FGFRL1: variants seen among roughly 807,000 people sequenced by gnomAD.
FGFRL1 encodes fibroblast growth factor receptor like 1.
In FGFRL1, 24 loss-of-function variants were observed where a neutral mutation model predicts 36.8. The observed-to-expected ratio is 0.65, with a 90% CI of 0.47 to 0.92. The LOEUF is 0.92. Ranked by LOEUF, FGFRL1 falls within the 40% of genes least tolerant of loss-of-function variation. The probability of loss-of-function intolerance (pLI) is 0.00; values close to 1 mark genes in which losing one functional copy is unlikely to be tolerated. For missense variants in FGFRL1, 785 were observed against 753.4 expected (o/e 1.04, Z -0.49); for synonymous variants, 422 against 344.1 (o/e 1.23, Z -2.50).
intron 2 of FGFRL1, among the ~76,000 whole-genome samples, chr4:1,013,471 T>C (rs1433427832): frequency 6.6e-6 from 1 of 152,218 alleles, no homozygotes; most frequent in Admixed American, 6.5e-5. Flanking sequence ...TGGCCTTATA[T>C]GGGCACGTTC....
Position 1,023,273 on chromosome 4 carries a change from C to T in FGFRL1, c.353-368C>T, listed in dbSNP as rs568914497. Among the ~76,000 whole-genome samples the T allele has an allele frequency of 2.6e-3, 394 of 152,148 alleles. 1 individual carries two copies. The highest frequency in any genetic ancestry group is 8.9e-3 in the African/African-American group (370 of 41,500). On this transcript the variant is annotated intron_variant, in intron 3 of 6. Coordinates refer to ENST00000510644, the MANE Select transcript of FGFRL1 (RefSeq NM_001004356.3). The surrounding 1 kb of genome is among the most constrained non-coding windows in gnomAD (Gnocchi z 6.0). ...CAGTCCTTTCAAAGGGGACGATGACCGGGTGGTATGAGAGTCTCGTCTGTT... is the reference window on the plus strand; with the variant it reads ...CAGTCCTTTCAAAGGGGACGATGACTGGGTGGTATGAGAGTCTCGTCTGTT...
rs756933245 is a variant in FGFRL1 at position 1,014,093 on chromosome 4, C to T, written c.79+1529C>T. Among the ~76,000 whole-genome samples, 23 of 152,344 alleles carry T rather than the reference C, an allele frequency of 1.5e-4. No individual in the cohort carries two copies. The Middle Eastern group carries it at 0.017, about 113-fold the overall frequency. The stretch of plus-strand genomic sequence containing the variant: ...AGTGTGTTTCTCCTGCTCTGAACAG[C>T]CCACTGTGCACCTTCGTTAGGCCAA... On this transcript the variant is annotated intron_variant, in intron 2 of 6. Coordinates refer to ENST00000510644, the MANE Select transcript of FGFRL1 (RefSeq NM_001004356.3).
intron 1 of FGFRL1, 145 bp from the exon 2 acceptor site, chr4:1,012,325 C>T (rs1715633424): frequency 1.2e-6 from 1 of 824,772 alleles, no homozygotes; most frequent in Non-Finnish European, 1.8e-6. Context: ...ACAGCTTCTC[C>T]CCGCTGCGGC....
At chr4:1,024,806 G>C in intron 6 of FGFRL1, 99 bp from the exon 7 acceptor site, 2 of 1,420,750 alleles carry the variant, frequency 1.4e-6, no homozygotes, top group South Asian at 1.4e-5. Context: ...GGGCAGCCCA[G>C]GGGCACCGTC....
At chr4:1,014,870 G>T (rs577506057) in intron 2 of FGFRL1, among the ~76,000 whole-genome samples, 25 of 152,344 alleles carry the variant, frequency 1.6e-4, no homozygotes, top group East Asian at 5.8e-4. Context: ...TGTCCCCTTG[G>T]GGGGAGGGAG....
At position 1,023,409 on chromosome 4, in the gene FGFRL1, G is replaced by A. The variant is rs1022844897; in HGVS notation, c.353-232G>A. On this transcript the variant is annotated intron_variant, in intron 3 of 6. Coordinates refer to ENST00000510644, the MANE Select transcript of FGFRL1 (RefSeq NM_001004356.3). This position sits in a 1 kb window ranked among gnomAD's most constrained non-coding sequence, Gnocchi z 6.0. ...CCCCCCGGAGCCAGAATGGGGGCCG[G>A]CCCTCCAGCCCCACCCGTGCCCATC... Among the ~76,000 whole-genome samples the A allele has an allele frequency of 6.6e-6, 1 of 152,186 alleles. No individual in the cohort carries two copies. Among genetic ancestry groups the A allele is most frequent in the South Asian group, 2.1e-4 (1 of 4,834 alleles).
chr4:1,023,733 G>A lies in FGFRL1; in HGVS notation c.433+12G>A, dbSNP rs749091773. ...CAGCCAGCAGTGGGGTGAGCAGGGGGTGACGGGGGTGGGGGGCGTCCGTCT... is the reference window on the plus strand; with the variant it reads ...CAGCCAGCAGTGGGGTGAGCAGGGGATGACGGGGGTGGGGGGCGTCCGTCT... On this transcript the variant is annotated intron_variant, in intron 4 of 6. Transcript: ENST00000510644. This position sits in a 1 kb window ranked among gnomAD's most constrained non-coding sequence, Gnocchi z 6.0. 1 of 1,557,632 alleles carries A rather than the reference G, an allele frequency of 6.4e-7. No individual in the cohort carries two copies. The highest frequency in any genetic ancestry group is 8.7e-7 in the Non-Finnish European group (1 of 1,152,214).
chr4:1,011,639 C>G lies in FGFRL1; in HGVS notation c.-332C>G, dbSNP rs1228580132. Among the ~76,000 whole-genome samples, 2 of 144,854 alleles carry G rather than the reference C, an allele frequency of 1.4e-5. No individual in the cohort carries two copies. Among genetic ancestry groups the G allele is most frequent in the Non-Finnish European group, 3.1e-5 (2 of 65,282 alleles). On this transcript the variant is annotated 5_prime_UTR_variant, in exon 1 of 7. Coordinates refer to ENST00000510644, the MANE Select transcript of FGFRL1 (RefSeq NM_001004356.3). ...GCTCGCTCCGGGAGAGTTGACAAAGCCCCGCAGGGAAGGACGCCTCGCGGC... is the reference window on the plus strand; with the variant it reads ...GCTCGCTCCGGGAGAGTTGACAAAGGCCCGCAGGGAAGGACGCCTCGCGGC...
At chr4:1,012,194 T>G in intron 1 of FGFRL1, 1 of 311,990 alleles carries the variant, frequency 3.2e-6, no homozygotes, top group Non-Finnish European at 5.9e-6. Context: ...GCGCTGAGTG[T>G]TGTGTGTCCT....
chr4:1,024,158 C>A, intron 5 of FGFRL1, 57 bp downstream of exon 5: 1 of 311,280 alleles, frequency 3.2e-6, no homozygotes, highest in East Asian at 7.8e-5. Flanking sequence ...GGGGCGCTGG[C>A]GGGCGGGGGT....
intron 1 of FGFRL1, 39 bp from the exon 2 acceptor site, chr4:1,012,431 A>T: frequency 6.4e-7 from 1 of 1,572,112 alleles, no homozygotes; most frequent in Non-Finnish European, 8.6e-7. Flanking sequence ...GGTATCTCCC[A>T]GTTCCACGTG....
At chr4:1,013,010 T>C (rs1310144977) in intron 2 of FGFRL1, among the ~76,000 whole-genome samples, 9 of 152,170 alleles carry the variant, frequency 5.9e-5, no homozygotes, top group Non-Finnish European at 1.3e-4. Flanking sequence ...ATATACTTGG[T>C]GTCTGGGACT....
chr4:1,024,206 C>T (rs1215949356), intron 5 of FGFRL1, 105 bp downstream of exon 5: 11 of 284,738 alleles, frequency 3.9e-5, no homozygotes, highest in Non-Finnish European at 5.8e-5. Flanking sequence ...GGGGCACTGG[C>T]AGGGCTTGGG....
chr4:1,013,450 C>T (rs983447256), intron 2 of FGFRL1, among the ~76,000 whole-genome samples: 1 of 152,370 alleles, frequency 6.6e-6, no homozygotes, highest in Admixed American at 6.5e-5. Flanking sequence ...GCAAGCGCGC[C>T]GCATCCAACC....
In FGFRL1 at chr4:1,025,866, GACAC is replaced by G. The variant is rs56398186; in HGVS notation, c.*532_*535del. The G allele has an allele frequency of 4.4e-4, 73 of 166,168 alleles. No homozygotes were observed. The highest frequency in any genetic ancestry group is 9.2e-4 in the African/African-American group (37 of 40,122). 10.3% of individuals were successfully genotyped at this position (166,168 alleles called of 1,614,324 possible). A position where few individuals can be genotyped will look rare whatever the true frequency, so the allele number is the denominator to read the frequency against. On this transcript the variant is annotated 3_prime_UTR_variant, in exon 7 of 7. Coordinates refer to ENST00000510644, the MANE Select transcript of FGFRL1 (RefSeq NM_001004356.3). ...CACACACATGCACGGATATTGCCTG[GACAC>G]ACACACACACACGTGTGCACAGATA... is the stretch of plus-strand genomic sequence containing the variant.
In FGFRL1 at chr4:1,025,850, G is replaced by T. The variant is rs1716495268; in HGVS notation, c.*503G>T. On this transcript the variant is annotated 3_prime_UTR_variant, in exon 7 of 7. Coordinates refer to ENST00000510644, the MANE Select transcript of FGFRL1 (RefSeq NM_001004356.3). ...GATAATGCTGCCTTGACACACACAT[G>T]CACGGATATTGCCTGGACACACACA... 5.6e-6 allele frequency: 1 copy of T among 178,914 alleles called. No individual in the cohort carries two copies. Among genetic ancestry groups the T allele is most frequent in the Non-Finnish European group, 1.1e-5 (1 of 87,996 alleles). 11.1% of individuals were successfully genotyped at this position (178,914 alleles called of 1,614,324 possible).
chr4:1,015,664 C>T (rs1715850806), intron 2 of FGFRL1, among the ~76,000 whole-genome samples: 1 of 152,340 alleles, frequency 6.6e-6, no homozygotes, highest in African/African-American at 2.4e-5. Context: ...TGTTAAGGGG[C>T]TGAGGGGTGA....
chr4:1,023,783 C>T lies in FGFRL1; in HGVS notation c.434-34C>T, dbSNP rs373523843. 8.8e-5 allele frequency: 138 copies of T among 1,561,424 alleles called. 1 individual carries two copies. Among genetic ancestry groups the T allele is most frequent in the African/African-American group, 5.7e-4 (42 of 73,920 alleles). ...TGTCCCGGCCCCTTGGCTGCATCCC[C>T]GTCCTCTGACCTCCACGCCACCCCA... On this transcript the variant is annotated intron_variant, in intron 4 of 6. Coordinates refer to ENST00000510644, the MANE Select transcript of FGFRL1 (RefSeq NM_001004356.3). This position sits in a 1 kb window ranked among gnomAD's most constrained non-coding sequence, Gnocchi z 6.0.
rs369436907 is a variant in FGFRL1 at position 1,023,958 on chromosome 4, C to T, written c.575C>T (p.Thr192Met). Residue 192 changes from threonine (T) to methionine (M), a missense_variant, in exon 5 of 7, where the codon ACG (threonine) becomes ATG (methionine). Physicochemically the swap from Thr to Met is moderately conservative, Grantham distance 81 (BLOSUM62 -1). Coordinates refer to ENST00000510644, the MANE Select transcript of FGFRL1 (RefSeq NM_001004356.3). This position sits in a 1 kb window ranked among gnomAD's most constrained non-coding sequence, Gnocchi z 6.0. Reference protein sequence around the residue: ...ITWMKDDQALTRPEAAEPRKK... With the variant: ...ITWMKDDQALMRPEAAEPRKK... The stretch of plus-strand genomic sequence containing the variant: ...TGGATGAAGGACGACCAGGCCTTGA[C>T]GCGCCCAGAGGCCGCTGAGCCCAGG... The T allele has an allele frequency of 7.4e-5, 118 of 1,594,358 alleles. No individual in the cohort carries two copies. In the Middle Eastern group the frequency reaches 1.7e-3, roughly 22 times the overall value.
Sources: allele counts gnomAD v4.1 joint callset (sites outside exome capture counted in the v4.1 genomes callset), GRCh38; gene constraint gnomAD v4.1.1; non-coding constraint Gnocchi (gnomAD v3.1); transcripts MANE v1.5; gene names NCBI Gene and HGNC (gene_info 2026-07-23, HGNC 2026-07-21).